Variants in ARID5A observed in about 807,000 individuals in gnomAD.
ARID5A encodes AT-rich interactive domain-containing protein 5A.
ARID5A carries 14 observed loss-of-function variants against 30.5 expected under a neutral mutation model. The ratio of observed to expected loss-of-function variants is 0.46; its 90% CI spans 0.30 to 0.72. The LOEUF (loss-of-function observed/expected upper bound fraction) is 0.72, where lower values mean the gene tolerates loss of function less well. Ranked by LOEUF, ARID5A falls within the 30% of genes least tolerant of loss-of-function variation. The pLI, the probability that ARID5A is intolerant of heterozygous loss-of-function variation, is 0.07. For missense variants in ARID5A, 669 were observed against 786.2 expected (o/e 0.85, Z 1.78); for synonymous variants, 338 against 340.4 (o/e 0.99, Z 0.08).
At position 96,552,479 on chromosome 2, in the gene ARID5A, G is replaced by A. The variant is rs1214939561; in HGVS notation, c.*166G>A. On this transcript the variant is annotated 3_prime_UTR_variant, in exon 7 of 7. Coordinates refer to ENST00000357485, the MANE Select transcript of ARID5A (RefSeq NM_212481.3). ...AAGAAGAAGGCAGTGGGAAAACTGGGTTTATCTCAAGGCAGCAGCCTGAGC... is the reference window on the plus strand; with the variant it reads ...AAGAAGAAGGCAGTGGGAAAACTGGATTTATCTCAAGGCAGCAGCCTGAGC... The A allele has an allele frequency of 5.9e-6, 9 of 1,538,308 alleles. No homozygotes were observed. The Admixed American group carries it at 5.9e-5, about 10-fold the overall frequency.
intron 1 of ARID5A, among the ~76,000 whole-genome samples, chr2:96,544,340 T>C (rs1402635261): frequency 6.6e-6 from 1 of 152,252 alleles, no homozygotes; most frequent in Non-Finnish European, 1.5e-5. Flanking sequence ...TCTAGGACTT[T>C]CATAGCTAAG....
In ARID5A at chr2:96,549,492, C is replaced by T. The variant is rs1032168011; in HGVS notation, c.259+33C>T. The T allele has an allele frequency of 6.2e-7, 1 of 1,602,626 alleles. No individual in the cohort carries two copies. ...CCTGGGGTGCAGGCAGGGAGGGGGG[C>T]CCAGCAGGGGACCCCGCCCAGGCAG... On this transcript the variant is annotated intron_variant, in intron 3 of 6. Coordinates refer to ENST00000357485, the MANE Select transcript of ARID5A (RefSeq NM_212481.3). This position sits in a 1 kb window ranked among gnomAD's most constrained non-coding sequence, Gnocchi z 6.1.
Position 96,547,492 on chromosome 2 carries a change from G to A in ARID5A, c.95G>A (p.Gly32Glu), listed in dbSNP as rs141960943. The A allele has an allele frequency of 6.2e-7, 1 of 1,613,800 alleles. No individual in the cohort carries two copies. Among genetic ancestry groups the A allele is most frequent in the Non-Finnish European group, 8.5e-7 (1 of 1,179,960 alleles). Residue 32 changes from glycine to glutamate, a missense_variant, in exon 2 of 7, where the codon GGA (glycine) becomes GAA (glutamate). By Grantham distance (98) the Gly-to-Glu change is moderately conservative (BLOSUM62 -2). Coordinates refer to ENST00000357485, the MANE Select transcript of ARID5A (RefSeq NM_212481.3). ...CCCAAACCTGCTGGCAAGCAGAACG[G>A]AATCCAGAACCCCATCTCGCTGGAG... is the stretch of plus-strand genomic sequence containing the variant. ...ASPKPAGKQNGIQNPISLEDS... is the reference protein window; with the variant it reads ...ASPKPAGKQNEIQNPISLEDS...
chr2:96,538,376 C>T, intron 1 of ARID5A: 3 of 966,500 alleles, frequency 3.1e-6, no homozygotes, highest in Non-Finnish European at 3.7e-6. Flanking sequence ...CATTCAGTGT[C>T]CCCCGCACCT....
At chr2:96,551,016 A>T in intron 6 of ARID5A, 83 bp from the exon 7 acceptor site, 1 of 1,461,896 alleles carries the variant, frequency 6.8e-7, no homozygotes. Context: ...GGACCTGGGC[A>T]GGCCTGAAAG....
In ARID5A at chr2:96,550,378, C is replaced by G. The variant is rs964818541; in HGVS notation, c.410+93C>G. On this transcript the variant is annotated intron_variant, in intron 5 of 6. Coordinates refer to ENST00000357485, the MANE Select transcript of ARID5A (RefSeq NM_212481.3). This position sits in a 1 kb window ranked among gnomAD's most constrained non-coding sequence, Gnocchi z 6.6. Reference sequence around the variant, plus strand: ...AGGGCCGGGTGGACTCTGCCCGGAGCGGGCAGGGTATGCGCCGTCCTCAGA... The same window carrying G: ...AGGGCCGGGTGGACTCTGCCCGGAGGGGGCAGGGTATGCGCCGTCCTCAGA... The G allele has an allele frequency of 9.1e-6, 13 of 1,426,490 alleles. No individual in the cohort carries two copies. In the African/African-American group the frequency reaches 1.8e-4, roughly 19 times the overall value. 88.4% of individuals were successfully genotyped at this position (1,426,490 alleles called of 1,614,324 possible).
rs1488539262 is a variant in ARID5A, at chr2:96,549,562, T to G, written c.259+103T>G. On this transcript the variant is annotated intron_variant, in intron 3 of 6. Transcript: ENST00000357485. This position sits in a 1 kb window ranked among gnomAD's most constrained non-coding sequence, Gnocchi z 6.1. ...CACTCTGGGTGACCCAGGTTGCAGA[T>G]AGAAAGGAGGCCTCCCTCCAGGCTG... is the stretch of plus-strand genomic sequence containing the variant. 2.6e-6 allele frequency: 4 copies of G among 1,523,800 alleles called. No individual in the cohort carries two copies. In the East Asian group the frequency reaches 6.8e-5, roughly 26 times the overall value. 94.4% of individuals were successfully genotyped at this position (1,523,800 alleles called of 1,614,324 possible). A position where few individuals can be genotyped will look rare whatever the true frequency, so the allele number is the denominator to read the frequency against.
chr2:96,551,390 G>C lies in ARID5A; in HGVS notation c.862G>C (p.Ala288Pro). Residue 288 changes from alanine (A) to proline (P), a missense_variant, in exon 7 of 7, where the codon GCG becomes CCG. Physicochemically the swap from Ala to Pro is conservative, Grantham distance 27 (BLOSUM62 -1). Coordinates refer to ENST00000357485, the MANE Select transcript of ARID5A (RefSeq NM_212481.3). ...CTGCCGCCATGGGGCAGAGCCCCAG[G>C]CGTCCCCAGCTGTTCACCTCCCAGA... ...EGCRHGAEPQ[A>P]SPAVHLPESP... 1.9e-6 allele frequency: 3 copies of C among 1,610,224 alleles called. No individual in the cohort carries two copies. The highest frequency in any genetic ancestry group is 2.5e-6 in the Non-Finnish European group (3 of 1,178,976).
chr2:96,547,351 T>C, intron 1 of ARID5A, 51 bp from the exon 2 acceptor site: 4 of 1,506,274 alleles, frequency 2.7e-6, no homozygotes, highest in Non-Finnish European at 3.7e-6. Flanking sequence ...TTGCATCTCA[T>C]ATGCTCTCTC....
rs373151212 is a variant in ARID5A at position 96,552,346 on chromosome 2, C to T, written c.*33C>T. ...CATGGTGTTGTGTACACTGTGGAGTCGACAGGGGCCTACAACAGGCAGGTA... is the reference window on the plus strand; with the variant it reads ...CATGGTGTTGTGTACACTGTGGAGTTGACAGGGGCCTACAACAGGCAGGTA... On this transcript the variant is annotated 3_prime_UTR_variant, in exon 7 of 7. Coordinates refer to ENST00000357485, the MANE Select transcript of ARID5A (RefSeq NM_212481.3). The T allele has an allele frequency of 3.3e-4, 540 of 1,612,718 alleles. 3 individuals carry two copies. The highest frequency in any genetic ancestry group is 4.2e-4 in the Non-Finnish European group (492 of 1,179,858).
chr2:96,549,433 G>A lies in ARID5A; in HGVS notation c.233G>A (p.Arg78Lys), dbSNP rs2065986664. The A allele has an allele frequency of 3.1e-6, 5 of 1,613,754 alleles. No individual in the cohort carries two copies. Among genetic ancestry groups the A allele is most frequent in the African/African-American group, 1.3e-5 (1 of 74,990 alleles). Residue 78 changes from arginine to lysine, a missense_variant, in exon 3 of 7, where the codon AGG becomes AAG. Around this residue, in one of 4 missense-constraint regions of ARID5A, gnomAD observed 64 missense variants for 119.7 expected, o/e 0.53. Coordinates refer to ENST00000357485, the MANE Select transcript of ARID5A (RefSeq NM_212481.3). The surrounding 1 kb of genome is among the most constrained non-coding windows in gnomAD (Gnocchi z 6.1). ...AAGGAGCGACACACGCCCATCGAGA[G>A]GGTGCCCCATCTCGGCTTCAAGCAG... is the stretch of plus-strand genomic sequence containing the variant. ...FMKERHTPIE[R>K]VPHLGFKQIN...
intron 2 of ARID5A, among the ~76,000 whole-genome samples, chr2:96,547,821 TG>T (rs1320699323): frequency 6.6e-6 from 1 of 152,194 alleles, no homozygotes; most frequent in Non-Finnish European, 1.5e-5. Flanking sequence ...ATGCATAACA[TG>T]GGCGTATAAA....
chr2:96,536,945 C>T (rs2065743645), intron 1 of ARID5A, 115 bp downstream of exon 1: 2 of 1,178,730 alleles, frequency 1.7e-6, no homozygotes, highest in Non-Finnish European at 2.1e-6. Context: ...CTGTGTGGGG[C>T]GGAGAGGGGC....
Position 96,552,378 on chromosome 2 carries a change from C to CTG in ARID5A, c.*65_*66insTG, listed in dbSNP as rs2066072083. ...GGCCTACAACAGGCAGGTACTGCTG[C>CTG]CAGGGGGCTCTGAACTAGTGCCTGC... is the stretch of plus-strand genomic sequence containing the variant. On this transcript the variant is annotated 3_prime_UTR_variant, in exon 7 of 7. Coordinates refer to ENST00000357485, the MANE Select transcript of ARID5A (RefSeq NM_212481.3). 6.2e-7 allele frequency: 1 copy of CTG among 1,603,580 alleles called. No homozygotes were observed. Among genetic ancestry groups the CTG allele is most frequent in the African/African-American group, 1.3e-5 (1 of 74,450 alleles).
In ARID5A at chr2:96,550,479, G is replaced by C; in HGVS notation, c.411-95G>C. 1.4e-6 allele frequency: 2 copies of C among 1,470,612 alleles called. No homozygotes were observed. The highest frequency in any genetic ancestry group is 2.7e-5 in the South Asian group (2 of 72,990). The allele number at this position is 1,470,612 out of a possible 1,614,324, so 91.1% of individuals were successfully genotyped here. On this transcript the variant is annotated intron_variant, in intron 5 of 6. Transcript: ENST00000357485. This position sits in a 1 kb window ranked among gnomAD's most constrained non-coding sequence, Gnocchi z 6.6. ...TTGGGACCAGGAGAGGGCCTTCCTC[G>C]GCGCCGGCGGGGAAGGGGGCTCAGA...
chr2:96,548,042 A>T (rs946109792), intron 2 of ARID5A, among the ~76,000 whole-genome samples: 1 of 152,234 alleles, frequency 6.6e-6, no homozygotes, highest in Non-Finnish European at 1.5e-5. Context: ...AATTCAGAAT[A>T]GAGGCCTGGA....
Position 96,550,680 on chromosome 2 carries a change from G to A in ARID5A, c.517G>A (p.Asp173Asn). Residue 173 changes from aspartate to asparagine, a missense_variant, in exon 6 of 7, where the codon GAT becomes AAT. Asp to Asn is a conservative substitution (Grantham distance 23, BLOSUM62 1). Around this residue, in one of 4 missense-constraint regions of ARID5A, gnomAD observed 548 missense variants for 577.4 expected, o/e 0.95. Coordinates refer to ENST00000357485, the MANE Select transcript of ARID5A (RefSeq NM_212481.3). The surrounding 1 kb of genome is among the most constrained non-coding windows in gnomAD (Gnocchi z 6.6). ...GATGGCTAAGGAGAACAGGGGGGAT[G>A]ATGGGGCCACCGAGAGGCCGAAGAA... ...YKMAKENRGD[D>N]GATERPKKAK... 1 of 1,600,532 alleles carries A rather than the reference G, an allele frequency of 6.2e-7. No individual in the cohort carries two copies. Among genetic ancestry groups the A allele is most frequent in the Non-Finnish European group, 8.5e-7 (1 of 1,174,446 alleles).
Position 96,550,490 on chromosome 2 carries a change from G to A in ARID5A, c.411-84G>A. On this transcript the variant is annotated intron_variant, in intron 5 of 6. Coordinates refer to ENST00000357485, the MANE Select transcript of ARID5A (RefSeq NM_212481.3). The surrounding 1 kb of genome is among the most constrained non-coding windows in gnomAD (Gnocchi z 6.6). ...AGAGGGCCTTCCTCGGCGCCGGCGG[G>A]GAAGGGGGCTCAGAGGAGGCTACAG... The A allele has an allele frequency of 6.7e-7, 1 of 1,482,848 alleles. No homozygotes were observed. The highest frequency in any genetic ancestry group is 2.4e-5 in the Admixed American group (1 of 42,074). 91.9% of individuals were successfully genotyped at this position (1,482,848 alleles called of 1,614,324 possible).
chr2:96,551,829 C>A lies in ARID5A; in HGVS notation c.1301C>A (p.Thr434Asn). 1.9e-6 allele frequency: 3 copies of A among 1,598,392 alleles called. No homozygotes were observed. The highest frequency in any genetic ancestry group is 2.6e-6 in the Non-Finnish European group (3 of 1,173,402). Residue 434 changes from threonine (T) to asparagine (N), a missense_variant, in exon 7 of 7, where the codon ACC becomes AAC. This residue lies in a region of ARID5A where 548 missense variants were observed against 577.4 expected (regional missense o/e 0.95). Transcript: ENST00000357485. ...GCCGAGAGCCCCACGCTCCCGCCCACCTTCCCCAGTAGCCCAGGCCTGGGC... is the reference window on the plus strand; with the variant it reads ...GCCGAGAGCCCCACGCTCCCGCCCAACTTCCCCAGTAGCCCAGGCCTGGGC... ...VPAESPTLPP[T>N]FPSSPGLGSK...
Sources: allele counts gnomAD v4.1 joint callset (sites outside exome capture counted in the v4.1 genomes callset), GRCh38; gene constraint gnomAD v4.1.1; regional missense constraint gnomAD v4.1.1; non-coding constraint Gnocchi (gnomAD v3.1); transcripts MANE v1.5; gene names NCBI Gene and HGNC (gene_info 2026-07-23, HGNC 2026-07-21).